TXNDC16: variants seen among roughly 807,000 people sequenced by gnomAD.
TXNDC16 encodes the protein thioredoxin domain containing 16.
Under a neutral mutation model 85.6 loss-of-function variants are expected in TXNDC16, and 74 were observed. That is an observed-to-expected ratio of 0.86 (90% CI 0.72 to 1.05). The LOEUF (loss-of-function observed/expected upper bound fraction) is 1.05. TXNDC16 is among the 50% of genes least tolerant of loss of function. The pLI is 0.00. For missense variants in TXNDC16, 959 were observed against 947.0 expected (o/e 1.01, Z -0.17); for synonymous variants, 335 against 326.5 (o/e 1.03, Z -0.28).
At position 52,459,198 on chromosome 14, in the gene TXNDC16, T is replaced by C. The variant is rs572776677; in HGVS notation, c.1619-2024A>G. On this transcript the variant is annotated intron_variant, in intron 16 of 20. Transcript: ENST00000281741. ...TCACATCTTATTGAATAATTATTTT[T>C]ATAGACACACACACATACATACATC... Among the ~76,000 whole-genome samples, 8 of 152,320 alleles carry C rather than the reference T, an allele frequency of 5.3e-5. No homozygotes were observed. The South Asian group carries it at 1.7e-3, about 32-fold the overall frequency.
chr14:52,470,854 C>T (rs917075623), intron 14 of TXNDC16, among the ~76,000 whole-genome samples, 174 bp from the exon 15 acceptor site: 1 of 152,130 alleles, frequency 6.6e-6, no homozygotes, highest in Non-Finnish European at 1.5e-5. Context: ...GGCCTTTTCC[C>T]TTCCTTTCTA....
chr14:52,525,687 G>C (rs905932417), intron 6 of TXNDC16, among the ~76,000 whole-genome samples: 5 of 126,062 alleles, frequency 4.0e-5, no homozygotes, highest in South Asian at 2.8e-4. Flanking sequence ...GACAGAGTGA[G>C]ACTCCATCTC....
intron 1 of TXNDC16, among the ~76,000 whole-genome samples, chr14:52,552,062 T>C (rs750557304): frequency 2.0e-5 from 3 of 152,224 alleles, no homozygotes; most frequent in Non-Finnish European, 4.4e-5. Flanking sequence ...AGAGCTCCGA[T>C]TCTCCCCGTC....
intron 12 of TXNDC16, among the ~76,000 whole-genome samples, chr14:52,483,768 T>C (rs1313879506): frequency 6.6e-6 from 1 of 152,220 alleles, no homozygotes. Flanking sequence ...CATCCATCCA[T>C]CCATCCAACC....
chr14:52,463,021 C>G (rs566546957), intron 16 of TXNDC16: 69 of 453,354 alleles, frequency 1.5e-4, no homozygotes, highest in African/African-American at 1.3e-3. Flanking sequence ...AAAGTCCCTG[C>G]AAATTTCTGA....
intron 9 of TXNDC16, among the ~76,000 whole-genome samples, chr14:52,505,952 C>G (rs577773949): frequency 6.6e-6 from 1 of 152,294 alleles, no homozygotes; most frequent in South Asian, 2.1e-4. Flanking sequence ...CACCTCTACA[C>G]AAATAAACTA....
chr14:52,472,209 ATATTTG>A, intron 14 of TXNDC16, among the ~76,000 whole-genome samples: 1 of 147,056 alleles, frequency 6.8e-6, no homozygotes, highest in South Asian at 2.2e-4. Context: ...TTGCTTTTGT[ATATTTG>A]AGATGTAGTC....
At chr14:52,461,469 T>A (rs2035651037) in intron 16 of TXNDC16, among the ~76,000 whole-genome samples, 1 of 152,224 alleles carries the variant, frequency 6.6e-6, no homozygotes, top group Non-Finnish European at 1.5e-5. Flanking sequence ...CATTTTATTA[T>A]TATTTAACAT....
At chr14:52,436,090 T>C (rs889443566) in intron 20 of TXNDC16, among the ~76,000 whole-genome samples, 3 of 152,204 alleles carry the variant, frequency 2.0e-5, no homozygotes, top group Non-Finnish European at 2.9e-5. Flanking sequence ...AGTGCAGTAC[T>C]AGCATAAAGA....
intron 2 of TXNDC16, among the ~76,000 whole-genome samples, 160 bp downstream of exon 2, chr14:52,544,104 T>C (rs960739214): frequency 2.6e-5 from 4 of 152,154 alleles, no homozygotes; most frequent in Non-Finnish European, 5.9e-5. Flanking sequence ...AGAACATTCC[T>C]TCTAAATATA....
At chr14:52,529,801 T>C (rs1215064080) in intron 6 of TXNDC16, among the ~76,000 whole-genome samples, 1 of 113,312 alleles carries the variant, frequency 8.8e-6, no homozygotes, top group Non-Finnish European at 1.6e-5. Flanking sequence ...ATAATAATTA[T>C]ATATGACACC....
rs1375416543 is a variant in TXNDC16 at position 52,530,365 on chromosome 14, T to A, written c.392+6354A>T. Among the ~76,000 whole-genome samples, 3 of 35,768 alleles carry A rather than the reference T, an allele frequency of 8.4e-5. 1 individual carries two copies. The highest frequency in any genetic ancestry group is 4.3e-4 in the African/African-American group (3 of 6,976). 23.5% of individuals were successfully genotyped at this position (35,768 alleles called of 152,430 possible). A position where few individuals can be genotyped will look rare whatever the true frequency, so the allele number is the denominator to read the frequency against. On this transcript the variant is annotated intron_variant, in intron 6 of 20. Transcript: ENST00000281741. ...ATTATATATTATAATATAATATATA[T>A]TATTATATAATATTATATATAATAT...
In TXNDC16 at chr14:52,543,442, G is replaced by A. The variant is rs578090352; in HGVS notation, c.116C>T (p.Thr39Ile). The A allele has an allele frequency of 1.2e-6, 2 of 1,613,084 alleles. No homozygotes were observed. The highest frequency in any genetic ancestry group is 1.1e-5 in the South Asian group (1 of 90,878). Residue 39 changes from threonine (T) to isoleucine (I), a missense_variant, in exon 3 of 21, where the codon ACA becomes ATA. Transcript: ENST00000281741. ...PELSPQKYFS[T>I]LQPGKASLAY... ...TAAAGAGGCTTTTCCTGGTTGCAAT[G>A]TACTAAAATATTTCTGAGGACTCAG...
At chr14:52,495,011 C>T (rs998070518) in intron 9 of TXNDC16, among the ~76,000 whole-genome samples, 3 of 152,156 alleles carry the variant, frequency 2.0e-5, no homozygotes, top group Non-Finnish European at 4.4e-5. Context: ...CCTGAAAATT[C>T]AGATTTGAGA....
intron 6 of TXNDC16, among the ~76,000 whole-genome samples, chr14:52,528,845 ATG>A (rs1039656469): frequency 1.4e-5 from 2 of 146,080 alleles, no homozygotes; most frequent in South Asian, 2.1e-4. Context: ...ATATATATAT[ATG>A]TGTGTGTGTA....
chr14:52,480,053 T>C (rs549028603), intron 14 of TXNDC16, among the ~76,000 whole-genome samples: 20 of 151,902 alleles, frequency 1.3e-4, no homozygotes, highest in African/African-American at 3.9e-4. Flanking sequence ...CAAACAAAAA[T>C]ATAAAGTGGG....
At chr14:52,493,193 C>CTATATA (rs555994196) in intron 9 of TXNDC16, among the ~76,000 whole-genome samples, 26 of 126,130 alleles carry the variant, frequency 2.1e-4, no homozygotes, top group East Asian at 1.1e-3. Context: ...TGTCACTGTT[C>CTATATA]TATATATATA....
At chr14:52,439,178 T>C (rs763954697) in intron 20 of TXNDC16, 26 bp downstream of exon 20, 7 of 1,599,346 alleles carry the variant, frequency 4.4e-6, no homozygotes, top group Admixed American at 1.7e-5. Flanking sequence ...CAGAACTACA[T>C]GTATTAAACA....
intron 16 of TXNDC16, among the ~76,000 whole-genome samples, chr14:52,460,787 CTTTT>C (rs990969486): frequency 1.3e-4 from 20 of 152,154 alleles, no homozygotes; most frequent in Admixed American, 4.6e-4. Flanking sequence ...TTCTTTCTCC[CTTTT>C]TTGAGAGTTT....
Sources: allele counts gnomAD v4.1 joint callset (sites outside exome capture counted in the v4.1 genomes callset), GRCh38; gene constraint gnomAD v4.1.1; transcripts MANE v1.5; gene names NCBI Gene and HGNC (gene_info 2026-07-23, HGNC 2026-07-21).